Variants in CHLSN observed in about 807,000 individuals in gnomAD.
CHLSN encodes the protein protein cholesin.
the CHLSN span, among the ~76,000 whole-genome samples, chr7:990,670 T>G: frequency 1.3e-5 from 2 of 151,978 alleles, no homozygotes; most frequent in Admixed American, 1.3e-4. Context: ...GACGGAGGGA[T>G]GGAGGCTCGG....
chr7:1,049,817 T>C, the CHLSN span, among the ~76,000 whole-genome samples: 825 of 152,344 alleles, frequency 5.4e-3, 11 homozygotes, highest in African/African-American at 0.019. Flanking sequence ...TGGGCACCAC[T>C]GTACTGGGTT....
chr7:1,021,848 C>T, the CHLSN span, among the ~76,000 whole-genome samples: 1 of 152,352 alleles, frequency 6.6e-6, no homozygotes, highest in Middle Eastern at 3.4e-3. Context: ...GGATGCGCGC[C>T]CTTCCGCGGG....
the CHLSN span, among the ~76,000 whole-genome samples, chr7:1,059,624 G>C: frequency 1.5e-5 from 2 of 135,664 alleles, no homozygotes; most frequent in Admixed American, 7.6e-5. Flanking sequence ...GTGGTTCTTA[G>C]TGGGGCGGGT....
chr7:1,041,324 AAGGGGGCCTGGGGTCCGCGCTGC>A, the CHLSN span, among the ~76,000 whole-genome samples: 1 of 106,850 alleles, frequency 9.4e-6, no homozygotes, highest in Non-Finnish European at 1.9e-5. Flanking sequence ...CGCTGCGGGG[AAGGGGGCCTGGGGTCCGCGCTGC>A]GGGGAAGGGG....
the CHLSN span, among the ~76,000 whole-genome samples, chr7:1,086,330 TTG>T: frequency 6.6e-6 from 1 of 152,244 alleles, no homozygotes; most frequent in African/African-American, 2.4e-5. Context: ...TCTTTCAAAA[TTG>T]TGTCTCAGGC....
chr7:1,129,276 C>T, the CHLSN span, among the ~76,000 whole-genome samples: 1 of 28,462 alleles, frequency 3.5e-5, no homozygotes, highest in Non-Finnish European at 6.1e-5. Flanking sequence ...TGCAGTGGCG[C>T]GATCTCGGCT....
chr7:1,115,794 G>C, the CHLSN span, among the ~76,000 whole-genome samples: 1 of 110,454 alleles, frequency 9.1e-6, no homozygotes, highest in Admixed American at 1.0e-4. Flanking sequence ...CATCACCAAC[G>C]CCCACGCAGG....
chr7:1,082,427 A>G, the CHLSN span, among the ~76,000 whole-genome samples: 2 of 152,208 alleles, frequency 1.3e-5, no homozygotes, highest in African/African-American at 2.4e-5. Context: ...CACAGTCTTC[A>G]TGGGCCGTTG....
chr7:984,465 G>A, the CHLSN span: 9 of 1,551,178 alleles, frequency 5.8e-6, no homozygotes, highest in Non-Finnish European at 7.8e-6. Flanking sequence ...GCCAGAAGAC[G>A]GTGGTGCTGA....
At chr7:1,104,251 AC>A in the CHLSN span, among the ~76,000 whole-genome samples, 2 of 152,218 alleles carry the variant, frequency 1.3e-5, no homozygotes, top group Non-Finnish European at 2.9e-5. Flanking sequence ...GGATTTATTT[AC>A]CAGCCTTTAA....
the CHLSN span, among the ~76,000 whole-genome samples, chr7:1,030,151 CCA>C: frequency 6.6e-6 from 1 of 152,222 alleles, no homozygotes; most frequent in African/African-American, 2.4e-5. Flanking sequence ...ATGCGCCAGC[CCA>C]CACAGTCACC....
At chr7:1,079,703 G>A in the CHLSN span, among the ~76,000 whole-genome samples, 3 of 152,186 alleles carry the variant, frequency 2.0e-5, no homozygotes, top group Non-Finnish European at 4.4e-5. Flanking sequence ...GGGGCTGGGA[G>A]GGCTCAGGGG....
At chr7:1,021,556 C>A in the CHLSN span, 2 of 985,446 alleles carry the variant, frequency 2.0e-6, no homozygotes, top group Non-Finnish European at 2.4e-6. Flanking sequence ...AGGAGTAGGG[C>A]TTCAGCAGCT....
the CHLSN span, among the ~76,000 whole-genome samples, chr7:1,117,534 A>AC: frequency 7.6e-6 from 1 of 132,110 alleles, no homozygotes; most frequent in African/African-American, 3.2e-5. Context: ...CTACAGCTCT[A>AC]GGACCGGCTT....
At chr7:1,044,147 GCAGGTGTA>G in the CHLSN span, among the ~76,000 whole-genome samples, 8 of 152,236 alleles carry the variant, frequency 5.3e-5, no homozygotes, top group African/African-American at 1.9e-4. Flanking sequence ...AGAAAGAGGG[GCAGGTGTA>G]CCTGGAAGGA....
the CHLSN span, among the ~76,000 whole-genome samples, chr7:1,122,444 A>C: frequency 6.6e-6 from 1 of 152,200 alleles, no homozygotes; most frequent in African/African-American, 2.4e-5. Flanking sequence ...TGGGGTGGTC[A>C]CGCGTATGCC....
At chr7:1,116,444 G>A in the CHLSN span, among the ~76,000 whole-genome samples, 12 of 119,636 alleles carry the variant, frequency 1.0e-4, no homozygotes, top group South Asian at 2.8e-4. Flanking sequence ...CATCACCGAC[G>A]TCCACGCAGG....
At chr7:1,028,265 C>T in the CHLSN span, 1 of 1,094,140 alleles carries the variant, frequency 9.1e-7, no homozygotes, top group South Asian at 2.1e-5. Context: ...GACCTCTGAC[C>T]CGGCTGTCAG....
chr7:1,106,308 A>T, the CHLSN span, among the ~76,000 whole-genome samples: 1 of 152,210 alleles, frequency 6.6e-6, no homozygotes, highest in Non-Finnish European at 1.5e-5. Context: ...GTGTCTGGGC[A>T]TCAGAGGGCC....
Sources: gnomAD v4.1 joint callset for allele counts (sites outside exome capture counted in the v4.1 genomes callset) on GRCh38, gnomAD v4.1.1 for gene constraint, MANE v1.5 for transcripts, NCBI Gene and HGNC (gene_info 2026-07-23, HGNC 2026-07-21) for gene names.